The following RBFOX1 variants were observed in gnomAD, a reference collection of about 807,000 sequenced individuals.
RBFOX1 encodes the protein RNA binding protein fox-1 homolog 1.
In RBFOX1, 8 loss-of-function variants were observed where a neutral mutation model predicts 57.7. The observed-to-expected ratio is 0.14, with a 90% CI of 0.08 to 0.25. The LOEUF is 0.25. Ranked by LOEUF, RBFOX1 falls within the 10% of genes least tolerant of loss-of-function variation. The pLI is 1.00. For missense variants in RBFOX1, 611 were observed against 548.5 expected, an observed-to-expected ratio of 1.11 and a Z score of -1.14; for synonymous variants, 326 against 222.4, an observed-to-expected ratio of 1.47 and a Z score of -4.15.
At chr16:6,351,352 G>GTATA (rs1261402122) in intron 2 of RBFOX1, among the ~76,000 whole-genome samples, 173 of 92,400 alleles carry the variant, frequency 1.9e-3, no homozygotes, top group East Asian at 2.7e-3. Flanking sequence ...GTGTGTGTGT[G>GTATA]TATATATATA....
intron 10 of RBFOX1, among the ~76,000 whole-genome samples, chr16:7,626,077 A>T (rs1325075077): frequency 6.6e-6 from 1 of 152,256 alleles, no homozygotes; most frequent in East Asian, 1.9e-4. Context: ...GCCAGAGCTG[A>T]GTCCAGAAAG....
At chr16:6,040,104 C>T (rs2095419928) in intron 1 of RBFOX1, among the ~76,000 whole-genome samples, 2 of 152,190 alleles carry the variant, frequency 1.3e-5, no homozygotes, top group Admixed American at 1.3e-4. Context: ...AATTCATGAA[C>T]ACACGTTATT....
intron 3 of RBFOX1, among the ~76,000 whole-genome samples, chr16:6,955,681 G>GTTTATT (rs1568066633): frequency 5.0e-5 from 5 of 100,280 alleles, no homozygotes; most frequent in African/African-American, 1.9e-4. Flanking sequence ...ATTTATTTAG[G>GTTTATT]TATGTATGTA....
chr16:5,553,984 T>C (rs1445966498), intron 2 of RBFOX1, among the ~76,000 whole-genome samples: 2 of 151,698 alleles, frequency 1.3e-5, no homozygotes, highest in Non-Finnish European at 2.9e-5. Context: ...TTTTTTTTTT[T>C]TTGAGACAGA....
At chr16:5,983,465 A>C (rs1229639192) in intron 4 of RBFOX1, among the ~76,000 whole-genome samples, 1 of 152,100 alleles carries the variant, frequency 6.6e-6, no homozygotes, top group Non-Finnish European at 1.5e-5. Flanking sequence ...CCTGGCACTG[A>C]CTCATGGAAC....
At chr16:6,695,572 A>G (rs954609944) in intron 3 of RBFOX1, among the ~76,000 whole-genome samples, 1 of 46,038 alleles carries the variant, frequency 2.2e-5, no homozygotes, top group African/African-American at 3.5e-5. Context: ...TGTTTCAAGT[A>G]TGAGATATAG....
At chr16:5,693,005 T>TA (rs1227836832) in intron 3 of RBFOX1, among the ~76,000 whole-genome samples, 1 of 152,234 alleles carries the variant, frequency 6.6e-6, no homozygotes, top group African/African-American at 2.4e-5. Flanking sequence ...TTTTTCCAGC[T>TA]TCCCCCCAGC....
chr16:7,434,471 C>G (rs907254529), intron 4 of RBFOX1, among the ~76,000 whole-genome samples: 5 of 149,884 alleles, frequency 3.3e-5, no homozygotes, highest in African/African-American at 1.2e-4. Flanking sequence ...GACTCTGTCT[C>G]GTTAAAATAA....
intron 2 of RBFOX1, among the ~76,000 whole-genome samples, chr16:6,404,006 C>G (rs896821277): frequency 1.3e-5 from 2 of 152,162 alleles, no homozygotes; most frequent in Admixed American, 6.5e-5. Flanking sequence ...CAATATCAAA[C>G]TTCCAGCCTC....
intron 10 of RBFOX1, among the ~76,000 whole-genome samples, chr16:7,627,510 T>C (rs2060263850): frequency 2.0e-5 from 3 of 152,182 alleles, no homozygotes; most frequent in Admixed American, 2.0e-4. Flanking sequence ...TTCCTGGCAT[T>C]TGGCAGTAGA....
At chr16:6,478,456 A>C (rs866835967) in intron 2 of RBFOX1, among the ~76,000 whole-genome samples, 1 of 58,112 alleles carries the variant, frequency 1.7e-5, no homozygotes, top group Non-Finnish European at 4.1e-5. Flanking sequence ...TTGTATTTTT[A>C]GTAGAGACAG....
intron 3 of RBFOX1, among the ~76,000 whole-genome samples, chr16:6,696,459 G>C (rs1356038556): frequency 6.6e-6 from 1 of 152,102 alleles, no homozygotes; most frequent in Non-Finnish European, 1.5e-5. Context: ...TATAATCTTT[G>C]AAATTGGAGT....
chr16:7,110,915 G>A (rs11859850), intron 4 of RBFOX1, among the ~76,000 whole-genome samples: 5,477 of 152,118 alleles, frequency 0.036, 354 homozygotes, highest in African/African-American at 0.12. Flanking sequence ...TTTTAACTTT[G>A]GGTAGTAAAA....
At chr16:6,868,269 G>C (rs7193000) in intron 3 of RBFOX1, among the ~76,000 whole-genome samples, 115,942 of 152,064 alleles carry the variant, frequency 0.76, 45,195 homozygotes, top group East Asian at 0.92. Flanking sequence ...ACAGGAAGTG[G>C]CTTATAAGAA....
intron 2 of RBFOX1, among the ~76,000 whole-genome samples, chr16:6,530,157 T>G (rs1389138338): frequency 6.6e-6 from 1 of 152,180 alleles, no homozygotes; most frequent in African/African-American, 2.4e-5. Context: ...TATCTTAGAA[T>G]GAAGAGGGAG....
intron 1 of RBFOX1, among the ~76,000 whole-genome samples, chr16:5,254,410 A>T (rs2062531507): frequency 6.6e-6 from 1 of 152,178 alleles, no homozygotes; most frequent in Non-Finnish European, 1.5e-5. Context: ...TGTATTCCAT[A>T]AAATACCAGT....
intron 1 of RBFOX1, among the ~76,000 whole-genome samples, chr16:5,304,054 C>T (rs1047797276): frequency 3.9e-5 from 6 of 152,110 alleles, no homozygotes; most frequent in Non-Finnish European, 2.9e-5. Context: ...CATTTGAACT[C>T]TAATTTTACT....
chr16:5,441,946 G>T (rs1282378401), intron 1 of RBFOX1, among the ~76,000 whole-genome samples: 1 of 152,144 alleles, frequency 6.6e-6, no homozygotes. Flanking sequence ...TACAATTCAA[G>T]ATGAGATTTG....
At chr16:6,144,652 C>A (rs2096743938) in intron 1 of RBFOX1, among the ~76,000 whole-genome samples, 1 of 152,240 alleles carries the variant, frequency 6.6e-6, no homozygotes, top group Non-Finnish European at 1.5e-5. Flanking sequence ...CTGCCCACAT[C>A]AGTCTTCCGT....
Sources: gnomAD v4.1 joint callset for allele counts (sites outside exome capture counted in the v4.1 genomes callset) on GRCh38, gnomAD v4.1.1 for gene constraint, MANE v1.5 for transcripts, NCBI Gene and HGNC (gene_info 2026-07-23, HGNC 2026-07-21) for gene names.